SDHC: variants seen among roughly 807,000 people sequenced by gnomAD.
The protein encoded by SDHC is succinate dehydrogenase complex subunit C.
SDHC carries 11 observed loss-of-function variants against 22.6 expected under a neutral mutation model. The observed-to-expected ratio is 0.49, with a 90% CI of 0.31 to 0.81. The LOEUF is 0.81. Among genes scored for constraint, SDHC ranks in the 30% least tolerant of loss-of-function variants. The pLI is 0.05. For synonymous variants in SDHC, 80 were observed against 77.8 expected (o/e 1.03, Z -0.15); for missense variants, 160 against 212.0 (o/e 0.75, Z 1.52).
chr1:161,330,561 G>T (rs1671234832), intron 3 of SDHC, among the ~76,000 whole-genome samples: 1 of 152,132 alleles, frequency 6.6e-6, no homozygotes, highest in Non-Finnish European at 1.5e-5. Flanking sequence ...TTTGTGAAAG[G>T]TGACACATGC....
At chr1:161,361,749 A>G (rs922178805) in intron 5 of SDHC, among the ~76,000 whole-genome samples, 1 of 151,682 alleles carries the variant, frequency 6.6e-6, no homozygotes, top group South Asian at 2.1e-4. Flanking sequence ...AGGCTGAGGC[A>G]AGAGAATGGC....
intron 3 of SDHC, among the ~76,000 whole-genome samples, chr1:161,329,778 A>G (rs1035116530): frequency 2.6e-5 from 4 of 152,332 alleles, no homozygotes; most frequent in African/African-American, 9.6e-5. Flanking sequence ...CAGGGGCTGC[A>G]TTCTTTTCCA....
At chr1:161,353,051 T>G (rs1422344736) in intron 4 of SDHC, among the ~76,000 whole-genome samples, 2 of 152,200 alleles carry the variant, frequency 1.3e-5, no homozygotes, top group African/African-American at 4.8e-5. Flanking sequence ...AACATTTGAC[T>G]TATTTAGAGG....
Position 161,323,640 on chromosome 1 carries a change from C to T in SDHC, c.47C>T (p.Ala16Val), listed in dbSNP as rs1558164567. 1 of 1,613,246 alleles carries T rather than the reference C, an allele frequency of 6.2e-7. No homozygotes were observed. The highest frequency in any genetic ancestry group is 1.3e-5 in the African/African-American group (1 of 74,886). Residue 16 changes from alanine to valine, a missense_variant, in exon 2 of 6, where the codon GCC becomes GTC. Coordinates refer to ENST00000367975, the MANE Select transcript of SDHC (RefSeq NM_003001.5). ...CACGTTGGTCGTCATTGCCTCCGAGCCCACTTTAGCCCTCAGCTCTGTATC... is the reference window on the plus strand; with the variant it reads ...CACGTTGGTCGTCATTGCCTCCGAGTCCACTTTAGCCCTCAGCTCTGTATC... The part of the protein sequence containing the change: ...LRHVGRHCLR[A>V]HFSPQLCIRN...
chr1:161,352,602 A>C (rs1401958133), intron 4 of SDHC, among the ~76,000 whole-genome samples: 1 of 152,192 alleles, frequency 6.6e-6, no homozygotes, highest in Non-Finnish European at 1.5e-5. Flanking sequence ...AAAAATACCT[A>C]ATTCAAATAC....
chr1:161,328,248 C>T (rs370569011), intron 2 of SDHC, 148 bp from the exon 3 acceptor site: 144 of 661,160 alleles, frequency 2.2e-4, no homozygotes, highest in Middle Eastern at 4.3e-4. Flanking sequence ...GTGATCCGCC[C>T]GCCTCGGCCT....
At chr1:161,340,526 C>G in intron 3 of SDHC, 68 bp from the exon 4 acceptor site, 2 of 1,385,210 alleles carry the variant, frequency 1.4e-6, no homozygotes, top group South Asian at 2.4e-5. Flanking sequence ...ATATTTTTGC[C>G]AAGATAGACT....
intron 1 of SDHC, among the ~76,000 whole-genome samples, chr1:161,316,111 G>C (rs1478594977): frequency 6.6e-6 from 1 of 152,016 alleles, no homozygotes. Context: ...ATATACAATC[G>C]GGTTTTACAC....
At chr1:161,336,821 C>T (rs925416512) in intron 3 of SDHC, among the ~76,000 whole-genome samples, 2 of 152,066 alleles carry the variant, frequency 1.3e-5, no homozygotes, top group Non-Finnish European at 2.9e-5. Flanking sequence ...TGGCCATTGG[C>T]AGTCTGGGCT....
At chr1:161,334,329 C>T (rs1558170646) in intron 3 of SDHC, among the ~76,000 whole-genome samples, 1 of 152,040 alleles carries the variant, frequency 6.6e-6, no homozygotes, top group Non-Finnish European at 1.5e-5. Flanking sequence ...TTCTGCTTTT[C>T]TTTTTTCTCA....
At chr1:161,355,230 A>ATGATGTTAAGCACC (rs1474636293) in intron 4 of SDHC, among the ~76,000 whole-genome samples, 1 of 152,218 alleles carries the variant, frequency 6.6e-6, no homozygotes, top group East Asian at 1.9e-4. Context: ...CTAATGGCTA[A>ATGATGTTAAGCACC]TGATGTTAAG....
intron 4 of SDHC, among the ~76,000 whole-genome samples, chr1:161,353,772 C>T (rs183925806): frequency 2.0e-5 from 3 of 152,188 alleles, no homozygotes; most frequent in Admixed American, 1.3e-4. Context: ...CGCTTGAGCC[C>T]AGGAGTTAGA....
intron 1 of SDHC, among the ~76,000 whole-genome samples, chr1:161,320,059 G>A (rs1670786070): frequency 6.6e-6 from 1 of 152,188 alleles, no homozygotes; most frequent in South Asian, 2.1e-4. Flanking sequence ...CAGTAAATTA[G>A]TGTTGGTGTT....
chr1:161,357,668 G>A lies in SDHC; in HGVS notation c.405+828G>A, dbSNP rs117881391. 4.9e-3 allele frequency among the ~76,000 whole-genome samples: 744 copies of A among 152,254 alleles called. 17 individuals carry two copies. The South Asian group carries it at 0.05, about 10-fold the overall frequency. Reference sequence around the variant, plus strand: ...CCCCTCTCAGCTTCCCAAAGTGCTAGGATTACAGACGTGAGCCACTGTGCC... The same window carrying A: ...CCCCTCTCAGCTTCCCAAAGTGCTAAGATTACAGACGTGAGCCACTGTGCC... On this transcript the variant is annotated intron_variant, in intron 5 of 5. Coordinates refer to ENST00000367975, the MANE Select transcript of SDHC (RefSeq NM_003001.5).
chr1:161,319,450 T>G (rs888446513), intron 1 of SDHC, among the ~76,000 whole-genome samples: 6 of 151,746 alleles, frequency 4.0e-5, no homozygotes, highest in African/African-American at 1.2e-4. Context: ...TTTTTTTGGT[T>G]TTGGTTTTTT....
At chr1:161,326,412 T>C (rs1311142284) in intron 2 of SDHC, among the ~76,000 whole-genome samples, 3 of 151,850 alleles carry the variant, frequency 2.0e-5, no homozygotes, top group Non-Finnish European at 4.4e-5. Context: ...TAGGAAGGAA[T>C]TCAAGGTGAG....
intron 5 of SDHC, 67 bp from the exon 6 acceptor site, chr1:161,362,262 C>T (rs2102384382): frequency 6.5e-7 from 1 of 1,545,828 alleles, no homozygotes; most frequent in Non-Finnish European, 8.8e-7. Flanking sequence ...GAATTACTTT[C>T]TGAGACAGGA....
chr1:161,322,913 T>C (rs1010539596), intron 1 of SDHC, among the ~76,000 whole-genome samples: 1 of 152,146 alleles, frequency 6.6e-6, no homozygotes, highest in Non-Finnish European at 1.5e-5. Flanking sequence ...AGCTAAGCTA[T>C]ATGGTTGCAG....
intron 1 of SDHC, among the ~76,000 whole-genome samples, chr1:161,319,186 A>G (rs1256593050): frequency 6.6e-6 from 1 of 152,078 alleles, no homozygotes; most frequent in African/African-American, 2.4e-5. Flanking sequence ...GTGCCATTGC[A>G]CTCCAGCCTG....
Sources: allele counts gnomAD v4.1 joint callset (sites outside exome capture counted in the v4.1 genomes callset), GRCh38; gene constraint gnomAD v4.1.1; transcripts MANE v1.5; gene names NCBI Gene and HGNC (gene_info 2026-07-23, HGNC 2026-07-21).